Variants in ADAMTS3 observed in about 807,000 individuals in gnomAD.
ADAMTS3 encodes ADAM metallopeptidase with thrombospondin type 1 motif 3, also known as A disintegrin and metalloproteinase with thrombospondin motifs 3.
Under a neutral mutation model 129.0 loss-of-function variants are expected in ADAMTS3, and 73 were observed. That is an observed-to-expected ratio of 0.57 (90% CI 0.47 to 0.69). The LOEUF (loss-of-function observed/expected upper bound fraction) is 0.69. Among genes scored for constraint, ADAMTS3 ranks in the 30% least tolerant of loss-of-function variants. ADAMTS3 has a pLI of 0.00. For synonymous variants in ADAMTS3, 477 were observed against 510.8 expected (o/e 0.93, Z 0.89); for missense variants, 1,457 against 1,514.5 (o/e 0.96, Z 0.63).
chr4:72,414,871 T>A lies in ADAMTS3; in HGVS notation c.605A>T (p.Lys202Met). The change falls in exon 4 of 22, where the codon AAG becomes ATG. Residue 202 changes from lysine (K) to methionine (M), a missense_variant. Transcript: ENST00000286657. ...GGGAGCCTGTTCTACAGCTGATCTC[T>A]TGTAGACAACATGAATCCTTCCTTT... ...EEKGRIHVVY[K>M]RSAVEQAPID... 1.9e-6 allele frequency: 3 copies of A among 1,580,294 alleles called. No homozygotes were observed. The highest frequency in any genetic ancestry group is 2.6e-6 in the Non-Finnish European group (3 of 1,165,060).
chr4:72,558,619 G>C (rs1355594347), intron 2 of ADAMTS3, among the ~76,000 whole-genome samples: 1 of 151,736 alleles, frequency 6.6e-6, no homozygotes, highest in East Asian at 1.9e-4. Flanking sequence ...TCTTTGGCGT[G>C]CCATTATTCT....
chr4:72,475,360 T>TA (rs1258188967), intron 3 of ADAMTS3, among the ~76,000 whole-genome samples: 2 of 151,940 alleles, frequency 1.3e-5, no homozygotes, highest in Non-Finnish European at 2.9e-5. Context: ...TAAGTGGCTA[T>TA]ACTAATGTTA....
chr4:72,336,576 G>A (rs987799322), intron 5 of ADAMTS3, among the ~76,000 whole-genome samples: 9 of 152,124 alleles, frequency 5.9e-5, no homozygotes, highest in East Asian at 1.9e-4. Flanking sequence ...ACAGGGCAGA[G>A]GGTATGGAGG....
At chr4:72,312,487 A>C (rs749287024) in intron 12 of ADAMTS3, 21 bp from the exon 13 acceptor site, 1 of 1,609,676 alleles carries the variant, frequency 6.2e-7, no homozygotes, top group Non-Finnish European at 8.5e-7. Context: ...GACAACATTT[A>C]AAAAGGCCTT....
chr4:72,343,363 C>A (rs562390139), intron 4 of ADAMTS3, among the ~76,000 whole-genome samples: 1 of 152,090 alleles, frequency 6.6e-6, no homozygotes, highest in Admixed American at 6.6e-5. Context: ...CTATGTCTGC[C>A]GCTCAATTTT....
intron 3 of ADAMTS3, among the ~76,000 whole-genome samples, chr4:72,512,773 G>A (rs1037868283): frequency 6.6e-6 from 1 of 151,998 alleles, no homozygotes; most frequent in African/African-American, 2.4e-5. Context: ...AAAAAAATAA[G>A]CTTGACCCTA....
intron 4 of ADAMTS3, among the ~76,000 whole-genome samples, chr4:72,342,693 A>T (rs1720170576): frequency 6.6e-6 from 1 of 152,068 alleles, no homozygotes; most frequent in Non-Finnish European, 1.5e-5. Flanking sequence ...TGTAGATAGC[A>T]TCACTATTGT....
In ADAMTS3 at chr4:72,548,802, A is replaced by C; in HGVS notation, c.180T>G (p.Thr60=). The C allele has an allele frequency of 6.2e-7, 1 of 1,613,946 alleles. No individual in the cohort carries two copies. The highest frequency in any genetic ancestry group is 8.5e-7 in the Non-Finnish European group (1 of 1,179,880). Reference sequence around the variant, plus strand: ...ACCTCTTTTTGTGACTCGCAGAAAGAGTATGGGAGAGATAGCGTCCTTCTA... The same window carrying C: ...ACCTCTTTTTGTGACTCGCAGAAAGCGTATGGGAGAGATAGCGTCCTTCTA... The part of the protein sequence containing the change: ...TNLEGRYLSH[T]LSASHKKRSA... Residue 60 remains threonine (T), a synonymous_variant, in exon 3 of 22, where the codon ACT becomes ACG. Coordinates refer to ENST00000286657, the MANE Select transcript of ADAMTS3 (RefSeq NM_014243.3).
chr4:72,530,835 T>C (rs1721022307), intron 3 of ADAMTS3, among the ~76,000 whole-genome samples: 1 of 123,206 alleles, frequency 8.1e-6, no homozygotes, highest in African/African-American at 3.1e-5. Flanking sequence ...AGATTATATA[T>C]AATATATAAT....
intron 3 of ADAMTS3, among the ~76,000 whole-genome samples, chr4:72,505,131 G>A (rs1225628427): frequency 2.0e-5 from 3 of 152,076 alleles, no homozygotes; most frequent in African/African-American, 4.8e-5. Context: ...CACTACATTC[G>A]GATTTTTCAT....
chr4:72,313,892 C>T (rs1002163562), intron 11 of ADAMTS3, 70 bp from the exon 12 acceptor site: 3 of 1,570,026 alleles, frequency 1.9e-6, no homozygotes, highest in Non-Finnish European at 8.7e-7. Flanking sequence ...TATACAAGAA[C>T]CATCTAGTTG....
At chr4:72,565,128 G>A (rs1721991767) in intron 2 of ADAMTS3, among the ~76,000 whole-genome samples, 1 of 152,066 alleles carries the variant, frequency 6.6e-6, no homozygotes, top group Non-Finnish European at 1.5e-5. Context: ...TCAGTAGAAA[G>A]TATTTTTAAA....
intron 2 of ADAMTS3, among the ~76,000 whole-genome samples, chr4:72,558,322 C>T (rs1721817645): frequency 6.6e-6 from 1 of 151,738 alleles, no homozygotes; most frequent in South Asian, 2.1e-4. Flanking sequence ...ATCTGTTTCC[C>T]TGCTTTTTCC....
At chr4:72,417,925 T>C (rs1722347443) in intron 3 of ADAMTS3, among the ~76,000 whole-genome samples, 1 of 18,516 alleles carries the variant, frequency 5.4e-5, no homozygotes, top group Non-Finnish European at 1.6e-4. Flanking sequence ...AGAGGGAGAC[T>C]CCATCTCAAA....
intron 3 of ADAMTS3, among the ~76,000 whole-genome samples, chr4:72,459,052 A>C (rs1025933174): frequency 2.0e-5 from 3 of 151,870 alleles, no homozygotes; most frequent in African/African-American, 7.2e-5. Flanking sequence ...TCTGAAAAAC[A>C]TTTTACATAC....
chr4:72,317,937 G>A (rs1719443618), intron 10 of ADAMTS3, among the ~76,000 whole-genome samples: 1 of 151,980 alleles, frequency 6.6e-6, no homozygotes, highest in African/African-American at 2.4e-5. Flanking sequence ...GCTGAGGCGG[G>A]AGAATTGCTT....
intron 4 of ADAMTS3, among the ~76,000 whole-genome samples, chr4:72,373,303 C>A (rs1008069732): frequency 6.6e-6 from 1 of 152,018 alleles, no homozygotes; most frequent in Non-Finnish European, 1.5e-5. Context: ...CACATATGGT[C>A]GCCTCAAATA....
chr4:72,507,337 T>C (rs1049734655), intron 3 of ADAMTS3, among the ~76,000 whole-genome samples: 2 of 152,100 alleles, frequency 1.3e-5, no homozygotes, highest in African/African-American at 4.8e-5. Context: ...TGTTAGTTAC[T>C]GTGCCTTGGT....
chr4:72,309,196 T>C (rs1246246847), intron 15 of ADAMTS3, among the ~76,000 whole-genome samples: 1 of 152,012 alleles, frequency 6.6e-6, no homozygotes, highest in Non-Finnish European at 1.5e-5. Context: ...TTTTTCATCA[T>C]TGACGCTAGG....
Sources: gnomAD v4.1 joint callset for allele counts (sites outside exome capture counted in the v4.1 genomes callset) on GRCh38, gnomAD v4.1.1 for gene constraint, MANE v1.5 for transcripts, NCBI Gene and HGNC (gene_info 2026-07-23, HGNC 2026-07-21) for gene names.